B4GALT6: variants seen among roughly 807,000 people sequenced by gnomAD.
B4GALT6 encodes UDP-Gal:beta-GlcNAc beta-1,4-galactosyltransferase 6.
A neutral mutation model predicts 46.3 loss-of-function variants in B4GALT6; 14 were observed. The observed-to-expected ratio is 0.30, with a 90% CI of 0.20 to 0.47. The LOEUF (loss-of-function observed/expected upper bound fraction) is 0.47. Ranked by LOEUF, B4GALT6 falls within the 20% of genes least tolerant of loss-of-function variation. The pLI is 0.99. For synonymous variants in B4GALT6, 168 were observed against 162.0 expected, an observed-to-expected ratio of 1.04 and a Z score of -0.28; for missense variants, 386 against 480.1, an observed-to-expected ratio of 0.80 and a Z score of 1.83.
intron 3 of B4GALT6, among the ~76,000 whole-genome samples, chr18:31,647,197 C>A (rs2074001373): frequency 6.6e-6 from 1 of 152,192 alleles, no homozygotes; most frequent in Admixed American, 6.5e-5. Context: ...AAATAATAAG[C>A]AGTTCATATA....
At chr18:31,684,172 T>C (rs1387051079) in intron 1 of B4GALT6, 140 bp downstream of exon 1, 1 of 1,381,058 alleles carries the variant, frequency 7.2e-7, no homozygotes, top group Non-Finnish European at 9.6e-7. Context: ...GTTTGACACG[T>C]CTGAAATAAC....
chr18:31,654,204 G>A (rs1040515963), intron 3 of B4GALT6, among the ~76,000 whole-genome samples: 2 of 152,112 alleles, frequency 1.3e-5, no homozygotes, highest in African/African-American at 2.4e-5. Context: ...TTAAAAGATA[G>A]GAAAACTAAA....
the B4GALT6 span, among the ~76,000 whole-genome samples, chr18:31,701,840 A>G: frequency 6.6e-6 from 1 of 152,194 alleles, no homozygotes; most frequent in Non-Finnish European, 1.5e-5. Context: ...TTTGAAATGC[A>G]TAAGAGAGAC....
At chr18:31,630,516 T>C (rs1381230693) in intron 6 of B4GALT6, among the ~76,000 whole-genome samples, 1 of 151,750 alleles carries the variant, frequency 6.6e-6, no homozygotes, top group Non-Finnish European at 1.5e-5. Context: ...AAACCATCAC[T>C]GGGGGAGAGC....
intron 3 of B4GALT6, among the ~76,000 whole-genome samples, chr18:31,649,140 A>C (rs1211541451): frequency 6.6e-6 from 1 of 152,240 alleles, no homozygotes; most frequent in East Asian, 1.9e-4. Context: ...AACAGTTATG[A>C]GTCATCCAGC....
At chr18:31,645,125 A>G (rs1455814109) in intron 4 of B4GALT6, among the ~76,000 whole-genome samples, 1 of 151,786 alleles carries the variant, frequency 6.6e-6, no homozygotes, top group African/African-American at 2.4e-5. Context: ...AGGAACTCAA[A>G]GAGAATGAAC....
chr18:31,699,343 G>A, the B4GALT6 span, among the ~76,000 whole-genome samples: 4 of 145,688 alleles, frequency 2.7e-5, no homozygotes, highest in African/African-American at 5.1e-5. Flanking sequence ...TATGATCTTC[G>A]TTCACTGCAA....
intron 3 of B4GALT6, among the ~76,000 whole-genome samples, chr18:31,647,878 T>G (rs112369611): frequency 0.011 from 1,598 of 152,166 alleles, 28 homozygotes; most frequent in African/African-American, 0.036. Flanking sequence ...GATCCTGTGG[T>G]TGGAGAAGGG....
intron 4 of B4GALT6, among the ~76,000 whole-genome samples, 175 bp from the exon 5 acceptor site, chr18:31,638,935 A>G (rs748864911): frequency 6.6e-6 from 1 of 152,218 alleles, no homozygotes; most frequent in Admixed American, 6.5e-5. Context: ...GCATGCTGCT[A>G]TGGTCTTATA....
intron 6 of B4GALT6, among the ~76,000 whole-genome samples, chr18:31,629,805 G>A (rs1480118785): frequency 1.0e-4 from 15 of 143,142 alleles, no homozygotes; most frequent in South Asian, 2.2e-4. Flanking sequence ...AGCCGAGATC[G>A]CACCACTGCA....
rs962778985 is a variant in B4GALT6 at position 31,645,537 on chromosome 18, G to T, written c.347-58C>A. On this transcript the variant is annotated intron_variant, in intron 3 of 8. Transcript: ENST00000306851. ...TATTTTTTGCCTCAAAGATCTAGTAGAACAAATAATAATCAGCAGGGTGAT... is the reference window on the plus strand; with the variant it reads ...TATTTTTTGCCTCAAAGATCTAGTATAACAAATAATAATCAGCAGGGTGAT... 3.9e-6 allele frequency: 6 copies of T among 1,539,066 alleles called. No homozygotes were observed. The African/African-American group carries it at 8.3e-5, about 21-fold the overall frequency.
At position 31,631,112 on chromosome 18, in the gene B4GALT6, A is replaced by C. The variant is rs895863823; in HGVS notation, c.623T>G (p.Phe208Cys). 1 of 1,614,020 alleles carries C rather than the reference A, an allele frequency of 6.2e-7. No homozygotes were observed. Among genetic ancestry groups the C allele is most frequent in the Non-Finnish European group, 8.5e-7 (1 of 1,180,014 alleles). ...GTQPFNRAMLFNVGFKEAMKD... is the reference protein window; with the variant it reads ...GTQPFNRAMLCNVGFKEAMKD... ...CATGGCCTCTTTGAAGCCCACATTG[A>C]AAAGCATCGCACGGTTAAAAGGTTG... The change falls in exon 6 of 9, where the codon TTC (phenylalanine) becomes TGC (cysteine). Residue 208 changes from phenylalanine to cysteine, a missense_variant. This residue lies in a region of B4GALT6 where 323 missense variants were observed against 438.9 expected (regional missense o/e 0.74). Transcript: ENST00000306851.
intron 4 of B4GALT6, among the ~76,000 whole-genome samples, chr18:31,643,478 T>C (rs144766898): frequency 2.0e-5 from 3 of 152,192 alleles, no homozygotes; most frequent in East Asian, 3.9e-4. Context: ...TTTGTATTTT[T>C]AGTAGGGATG....
chr18:31,698,844 G>A, the B4GALT6 span, among the ~76,000 whole-genome samples: 2 of 152,072 alleles, frequency 1.3e-5, no homozygotes, highest in African/African-American at 4.8e-5. Flanking sequence ...GCCAAGGTGG[G>A]TGGATCACCT....
At chr18:31,721,256 A>G in the B4GALT6 span, among the ~76,000 whole-genome samples, 1 of 152,170 alleles carries the variant, frequency 6.6e-6, no homozygotes, top group African/African-American at 2.4e-5. Flanking sequence ...TGATGGGTGA[A>G]GCAAGCCAAC....
chr18:31,700,431 CTATTTGTGTG>C, the B4GALT6 span, among the ~76,000 whole-genome samples: 48 of 74,606 alleles, frequency 6.4e-4, no homozygotes, highest in African/African-American at 1.9e-3. Flanking sequence ...ATAAAATTGA[CTATTTGTGTG>C]TGTGTGTGTG....
At chr18:31,631,770 T>C (rs2073794981) in intron 5 of B4GALT6, among the ~76,000 whole-genome samples, 1 of 152,200 alleles carries the variant, frequency 6.6e-6, no homozygotes, top group South Asian at 2.1e-4. Flanking sequence ...CTATTATTAA[T>C]GCTTATAATA....
chr18:31,690,127 T>G (rs1287228265), upstream of B4GALT6, among the ~76,000 whole-genome samples: 4 of 152,156 alleles, frequency 2.6e-5, no homozygotes, highest in Non-Finnish European at 5.9e-5. Flanking sequence ...TTTTGGGAGT[T>G]TTTTGTTTGT....
chr18:31,633,050 TAC>T (rs36119195), intron 5 of B4GALT6, among the ~76,000 whole-genome samples: 37 of 152,254 alleles, frequency 2.4e-4, no homozygotes, highest in African/African-American at 8.4e-4. Flanking sequence ...CCATGGAGAA[TAC>T]ACTTTTAGCC....
Sources: gnomAD v4.1 joint callset for allele counts (sites outside exome capture counted in the v4.1 genomes callset) on GRCh38, gnomAD v4.1.1 for gene constraint, gnomAD v4.1.1 regional missense constraint, MANE v1.5 for transcripts, NCBI Gene and HGNC (gene_info 2026-07-23, HGNC 2026-07-21) for gene names.